Variants in MICAL3 observed in about 807,000 individuals in gnomAD.
MICAL3 encodes microtubule associated monooxygenase, calponin and LIM domain containing 3, also known as [F-actin]-monooxygenase MICAL3.
MICAL3 carries 62 observed loss-of-function variants against 207.4 expected under a neutral mutation model. That is an observed-to-expected ratio of 0.30 (90% CI 0.24 to 0.37). The LOEUF is 0.37. Among genes scored for constraint, MICAL3 ranks in the 10% least tolerant of loss-of-function variants. MICAL3 has a pLI of 1.00. For missense variants in MICAL3, 2,368 were observed against 2,635.6 expected, an observed-to-expected ratio of 0.90 and a Z score of 2.22; for synonymous variants, 1,077 against 1,069.3, an observed-to-expected ratio of 1.01 and a Z score of -0.14.
chr22:17,981,751 T>C (rs1935918086), intron 1 of MICAL3, among the ~76,000 whole-genome samples: 1 of 152,226 alleles, frequency 6.6e-6, no homozygotes, highest in African/African-American at 2.4e-5. Flanking sequence ...CAGGAAGTGA[T>C]GAGTTTTGAG....
intron 19 of MICAL3, chr22:17,861,769 CTA>C: frequency 1.3e-5 from 13 of 985,220 alleles, no homozygotes; most frequent in Non-Finnish European, 1.6e-5. Flanking sequence ...AAGAGGATTT[CTA>C]TATTAAAAGC....
chr22:17,995,745 G>A (rs1170563826), intron 1 of MICAL3, among the ~76,000 whole-genome samples: 1 of 151,884 alleles, frequency 6.6e-6, no homozygotes, highest in Admixed American at 6.6e-5. Context: ...CTCACCTCAG[G>A]TGATCTGCCC....
intron 1 of MICAL3, among the ~76,000 whole-genome samples, chr22:17,962,117 T>C (rs932721144): frequency 2.5e-4 from 38 of 152,196 alleles, no homozygotes; most frequent in Admixed American, 2.5e-3. Flanking sequence ...AATCGAGTGC[T>C]TGCTGACTGC....
intron 1 of MICAL3, among the ~76,000 whole-genome samples, chr22:17,967,011 T>C (rs1935172544): frequency 6.6e-6 from 1 of 152,204 alleles, no homozygotes; most frequent in Non-Finnish European, 1.5e-5. Flanking sequence ...AAGTACTTCC[T>C]GGGCACCCAT....
chr22:17,980,277 G>A (rs1314660253), intron 1 of MICAL3, among the ~76,000 whole-genome samples: 3 of 152,186 alleles, frequency 2.0e-5, no homozygotes, highest in East Asian at 1.9e-4. Flanking sequence ...GAGATAAACT[G>A]GGAAATAAAG....
chr22:17,878,149 G>C (rs144870712), intron 16 of MICAL3, among the ~76,000 whole-genome samples: 66 of 151,416 alleles, frequency 4.4e-4, no homozygotes, highest in African/African-American at 1.6e-3. Context: ...CACCGCACCC[G>C]GCCTTCCCCT....
At chr22:17,802,209 C>T (rs973730758) in intron 29 of MICAL3, among the ~76,000 whole-genome samples, 1 of 151,998 alleles carries the variant, frequency 6.6e-6, no homozygotes, top group East Asian at 1.9e-4. Context: ...ACTACAGGCA[C>T]GTGCCACTAT....
At chr22:17,804,403 C>A (rs1283413861) in intron 29 of MICAL3, among the ~76,000 whole-genome samples, 2 of 152,242 alleles carry the variant, frequency 1.3e-5, no homozygotes, top group African/African-American at 2.4e-5. Context: ...GCCTTGCAGA[C>A]CCACTTTTGC....
chr22:17,847,240 A>T (rs1195842151), intron 19 of MICAL3, among the ~76,000 whole-genome samples: 4 of 152,132 alleles, frequency 2.6e-5, no homozygotes, highest in African/African-American at 9.7e-5. Flanking sequence ...GGAAATCAGG[A>T]TGTCAAGGGC....
At chr22:18,015,602 G>C (rs941093868) in intron 1 of MICAL3, among the ~76,000 whole-genome samples, 1 of 151,754 alleles carries the variant, frequency 6.6e-6, no homozygotes, top group Non-Finnish European at 1.5e-5. Context: ...TAGTAGAGAC[G>C]GGGTTTCACC....
chr22:17,825,584 G>A (rs541497439), intron 22 of MICAL3, among the ~76,000 whole-genome samples: 6 of 152,282 alleles, frequency 3.9e-5, no homozygotes, highest in South Asian at 4.1e-4. Flanking sequence ...TCCCACTGCC[G>A]GGAGGACACA....
chr22:17,873,624 G>A (rs1162935048), intron 16 of MICAL3, among the ~76,000 whole-genome samples: 1 of 152,250 alleles, frequency 6.6e-6, no homozygotes, highest in Admixed American at 6.5e-5. Context: ...AGGTGGGAAT[G>A]TGTTCTAGGC....
intron 1 of MICAL3, among the ~76,000 whole-genome samples, chr22:17,985,627 A>G (rs1001239838): frequency 1.1e-4 from 16 of 151,998 alleles, no homozygotes; most frequent in African/African-American, 3.9e-4. Flanking sequence ...CTATATTCAA[A>G]TTTTATTCCC....
rs1170473058 is a variant in MICAL3 at position 17,832,059 on chromosome 22, C to A, written c.2850G>T (p.Glu950Asp). ...CCAGGTCAGATGGGGGCAGGCGAGG[C>A]TCCTCCTCCTCCTCCTCTCCCTCCT... The part of the protein sequence containing the change: ...MEEEGEEEEE[E>D]PRLPPSDLGG... The change falls in exon 21 of 32, where the codon GAG becomes GAT. Residue 950 changes from glutamate to aspartate, a missense_variant. Glu to Asp is a conservative substitution (Grantham distance 45). Around this residue, in one of 4 missense-constraint regions of MICAL3, gnomAD observed 1,770 missense variants for 1,863.2 expected, o/e 0.95. Coordinates refer to ENST00000441493, the MANE Select transcript of MICAL3 (RefSeq NM_015241.3). 3 of 1,521,860 alleles carry A rather than the reference C, an allele frequency of 2.0e-6. No individual in the cohort carries two copies. The highest frequency in any genetic ancestry group is 2.8e-5 in the African/African-American group (2 of 72,478). The allele number at this position is 1,521,860 out of a possible 1,614,324, so 94.3% of individuals were successfully genotyped here.
At chr22:17,802,214 CA>C (rs2061947958) in intron 29 of MICAL3, among the ~76,000 whole-genome samples, 2 of 152,066 alleles carry the variant, frequency 1.3e-5, no homozygotes, top group Non-Finnish European at 2.9e-5. Flanking sequence ...AGGCACGTGC[CA>C]CTATGCCCAG....
At chr22:17,821,567 C>T (rs1921641747) in intron 24 of MICAL3, 58 bp from the exon 25 acceptor site, 1 of 1,405,186 alleles carries the variant, frequency 7.1e-7, no homozygotes, top group Non-Finnish European at 9.7e-7. Flanking sequence ...GCCAGGAAGG[C>T]ACCCCTATCA....
chr22:17,918,604 T>A (rs1031796174), intron 1 of MICAL3, among the ~76,000 whole-genome samples: 3 of 152,036 alleles, frequency 2.0e-5, no homozygotes, highest in African/African-American at 7.2e-5. Flanking sequence ...TCAGTATTAT[T>A]ACAAAAACAG....
Position 17,906,818 on chromosome 22 carries a change from C to T in MICAL3, c.-6G>A, listed in dbSNP as rs763278329. ...TCATGCTTCCTCTCCTCCATGCTGC[C>T]TCACTCTCAGCACTCCCCAGAGGGG... On this transcript the variant is annotated 5_prime_UTR_variant, in exon 2 of 32. Transcript: ENST00000441493. 9.4e-6 allele frequency: 15 copies of T among 1,592,486 alleles called. No individual in the cohort carries two copies. The Admixed American group carries it at 2.2e-4, about 24-fold the overall frequency.
chr22:17,813,487 T>C (rs1195523897), intron 27 of MICAL3: 1 of 152,224 alleles, frequency 6.6e-6, no homozygotes, highest in Non-Finnish European at 1.5e-5. Context: ...TGAGCACTTG[T>C]GTCCCGCCTG....
Sources: allele counts gnomAD v4.1 joint callset (sites outside exome capture counted in the v4.1 genomes callset), GRCh38; gene constraint gnomAD v4.1.1; regional missense constraint gnomAD v4.1.1; transcripts MANE v1.5; gene names NCBI Gene and HGNC (gene_info 2026-07-23, HGNC 2026-07-21).